Variants in DAB1 observed in about 807,000 individuals in gnomAD.
DAB1 encodes the protein disabled homolog 1.
A neutral mutation model predicts 64.6 loss-of-function variants in DAB1; 15 were observed. The ratio of observed to expected loss-of-function variants is 0.23; its 90% confidence interval spans 0.16 to 0.36. The LOEUF is 0.36. Ranked by LOEUF, DAB1 falls within the 10% of genes least tolerant of loss-of-function variation. DAB1 has a pLI of 1.00. For missense variants in DAB1, 596 were observed against 706.7 expected, an observed-to-expected ratio of 0.84 and a Z score of 1.78; for synonymous variants, 235 against 251.9, an observed-to-expected ratio of 0.93 and a Z score of 0.64.
chr1:58,489,877 G>A (rs1054636959), intron 3 of DAB1, among the ~76,000 whole-genome samples: 2 of 152,206 alleles, frequency 1.3e-5, no homozygotes, highest in South Asian at 2.1e-4. Context: ...CTGCAGCTGA[G>A]GGTCCTGACT....
intron 7 of DAB1, among the ~76,000 whole-genome samples, chr1:57,497,969 A>G (rs1644249038): frequency 6.6e-6 from 1 of 152,232 alleles, no homozygotes; most frequent in African/African-American, 2.4e-5. Flanking sequence ...AGGCCCTTGC[A>G]GTAGTCCCAG....
rs552719507 is a variant in DAB1, at chr1:57,981,633, T to TA, written n.388-97472_388-97471insT. Reference sequence around the variant, plus strand: ...CTTTCAATATCCTGGCTTTATATATTTTTTGCCTGCTTGTGACTATCCTTG... The same window carrying TA: ...CTTTCAATATCCTGGCTTTATATATTATTTTGCCTGCTTGTGACTATCCTTG... On this transcript the variant is annotated intron_variant and non_coding_transcript_variant, in intron 5 of 20. Transcript: ENST00000485760. 1.4e-3 allele frequency among the ~76,000 whole-genome samples: 209 copies of TA among 152,300 alleles called. 8 individuals are homozygous for TA. In the South Asian group the frequency reaches 0.041, roughly 30 times the overall value.
intron 3 of DAB1, among the ~76,000 whole-genome samples, chr1:58,460,089 A>C (rs1175748276): frequency 6.6e-6 from 1 of 152,216 alleles, no homozygotes; most frequent in Non-Finnish European, 1.5e-5. Context: ...CATATGTTGA[A>C]ACCACCATAA....
intron 5 of DAB1, among the ~76,000 whole-genome samples, chr1:57,913,268 A>G (rs1644675552): frequency 6.6e-6 from 1 of 152,168 alleles, no homozygotes; most frequent in Non-Finnish European, 1.5e-5. Flanking sequence ...GGAACAGAAC[A>G]GAGCCCTCAG....
At chr1:57,433,518 T>C (rs2101118814) in intron 7 of DAB1, among the ~76,000 whole-genome samples, 1 of 152,220 alleles carries the variant, frequency 6.6e-6, no homozygotes, top group Middle Eastern at 3.4e-3. Context: ...CTCATATGTA[T>C]ATAGAACAAA....
chr1:58,478,343 G>A (rs181513000), intron 3 of DAB1, among the ~76,000 whole-genome samples: 1 of 152,246 alleles, frequency 6.6e-6, no homozygotes, highest in Admixed American at 6.5e-5. Context: ...AAATTACCTA[G>A]TCTCGGGTAT....
At chr1:57,637,233 A>G (rs1646068098) in intron 7 of DAB1, among the ~76,000 whole-genome samples, 2 of 152,210 alleles carry the variant, frequency 1.3e-5, no homozygotes, top group Non-Finnish European at 2.9e-5. Context: ...CACCTATGTC[A>G]TACTTAACTA....
intron 7 of DAB1, among the ~76,000 whole-genome samples, chr1:57,545,085 T>A (rs546530130): frequency 6.6e-6 from 1 of 152,296 alleles, no homozygotes; most frequent in Non-Finnish European, 1.5e-5. Context: ...ACCTCTCTGA[T>A]CCCATTCCTG....
intron 9 of DAB1, among the ~76,000 whole-genome samples, chr1:57,034,742 T>A (rs886342981): frequency 1.6e-4 from 25 of 152,228 alleles, no homozygotes; most frequent in African/African-American, 5.8e-4. Context: ...AATCTGCTAA[T>A]ATGGACATTA....
intron 2 of DAB1, among the ~76,000 whole-genome samples, chr1:57,262,847 C>T (rs113092796): frequency 9.2e-5 from 14 of 152,300 alleles, no homozygotes; most frequent in Non-Finnish European, 1.5e-4. Flanking sequence ...ATATGGGCCC[C>T]GTGCCCTAAG....
chr1:58,034,026 T>C (rs1262908307), intron 5 of DAB1, among the ~76,000 whole-genome samples: 7 of 152,198 alleles, frequency 4.6e-5, no homozygotes, highest in Non-Finnish European at 2.9e-5. Flanking sequence ...TGACATAATC[T>C]GCCTACCCTT....
chr1:58,478,158 A>G (rs578150077), intron 3 of DAB1, among the ~76,000 whole-genome samples: 6 of 152,176 alleles, frequency 3.9e-5, no homozygotes, highest in African/African-American at 1.2e-4. Flanking sequence ...CCTGATAGTG[A>G]GTGACTTCTC....
intron 14 of DAB1, among the ~76,000 whole-genome samples, chr1:57,009,308 A>C (rs931498415): frequency 6.6e-6 from 1 of 152,280 alleles, no homozygotes; most frequent in East Asian, 1.9e-4. Context: ...TTTGCTTTCA[A>C]TATATCAACT....
chr1:58,300,110 C>A (rs938332818), intron 4 of DAB1, among the ~76,000 whole-genome samples: 1 of 152,110 alleles, frequency 6.6e-6, no homozygotes, highest in Non-Finnish European at 1.5e-5. Flanking sequence ...GCTCTGATGA[C>A]TCAGGATAAT....
chr1:58,219,026 TGTG>T (rs1400977277), intron 4 of DAB1, among the ~76,000 whole-genome samples: 5 of 20,974 alleles, frequency 2.4e-4, no homozygotes, highest in African/African-American at 7.8e-4. Context: ...TCTCTCTCTC[TGTG>T]TGTGTGTGTG....
chr1:58,130,427 C>T (rs1301508971), intron 5 of DAB1, among the ~76,000 whole-genome samples: 15 of 151,716 alleles, frequency 9.9e-5, no homozygotes, highest in East Asian at 3.9e-4. Context: ...CCAGTCTGTG[C>T]CTTTTAATTG....
intron 1 of DAB1, among the ~76,000 whole-genome samples, chr1:58,539,719 C>A (rs7535313): frequency 2.0e-5 from 3 of 152,020 alleles, no homozygotes; most frequent in African/African-American, 7.3e-5. Flanking sequence ...CTGGACATTA[C>A]GCAATGAAGA....
At chr1:57,359,738 G>A (rs1288492469) in intron 1 of DAB1, among the ~76,000 whole-genome samples, 1 of 152,052 alleles carries the variant, frequency 6.6e-6, no homozygotes, top group Non-Finnish European at 1.5e-5. Flanking sequence ...TATACACAAT[G>A]TAATACTATT....
At chr1:58,164,504 C>T (rs1210795723) in intron 4 of DAB1, among the ~76,000 whole-genome samples, 2 of 152,170 alleles carry the variant, frequency 1.3e-5, no homozygotes, top group Admixed American at 6.6e-5. Flanking sequence ...CTTTTCCAGT[C>T]GGCTCTGATT....
Sources: allele counts gnomAD v4.1 joint callset (sites outside exome capture counted in the v4.1 genomes callset), GRCh38; gene constraint gnomAD v4.1.1; transcripts MANE v1.5; gene names NCBI Gene and HGNC (gene_info 2026-07-23, HGNC 2026-07-21).